ADGRB3: variants seen among roughly 807,000 people sequenced by gnomAD.
The protein encoded by ADGRB3 is brain-specific angiogenesis inhibitor 3.
Under a neutral mutation model 193.4 loss-of-function variants are expected in ADGRB3, and 37 were observed. The observed-to-expected ratio is 0.19, with a 90% CI of 0.15 to 0.25. ADGRB3 has a LOEUF of 0.25. Among genes scored for constraint, ADGRB3 ranks in the 10% least tolerant of loss-of-function variants. The probability of loss-of-function intolerance (pLI) is 1.00; values close to 1 mark genes in which losing one functional copy is unlikely to be tolerated. For missense variants in ADGRB3, 1,637 were observed against 1,852.9 expected, an observed-to-expected ratio of 0.88 and a Z score of 2.14; for synonymous variants, 690 against 644.2, an observed-to-expected ratio of 1.07 and a Z score of -1.08.
At chr6:69,284,560 T>C (rs1767508616) in intron 20 of ADGRB3, among the ~76,000 whole-genome samples, 1 of 152,136 alleles carries the variant, frequency 6.6e-6, no homozygotes, top group Admixed American at 6.5e-5. Context: ...GGAGCCCTGG[T>C]TACTACTTTT....
rs189654459 is a variant in ADGRB3 at position 69,036,096 on chromosome 6, G to T, written c.2108-12089G>T. Among the ~76,000 whole-genome samples the T allele has an allele frequency of 3.3e-5, 5 of 152,272 alleles. No homozygotes were observed. The East Asian group carries it at 7.7e-4, about 24-fold the overall frequency. On this transcript the variant is annotated intron_variant, in intron 13 of 31. Transcript: ENST00000370598. ...CTATTATGGCCATACTTAAGATACT[G>T]TGTGAAGTATGTCTTTCACTACATT...
intron 3 of ADGRB3, among the ~76,000 whole-genome samples, chr6:68,807,582 T>G (rs1767431727): frequency 1.3e-5 from 2 of 152,046 alleles, no homozygotes; most frequent in Non-Finnish European, 2.9e-5. Context: ...AGTGATATGT[T>G]TTCTGCTTGT....
chr6:68,974,635 TA>T (rs144666567), intron 8 of ADGRB3, 127 bp from the exon 9 acceptor site: 70 of 667,848 alleles, frequency 1.0e-4, no homozygotes, highest in Middle Eastern at 3.0e-4. Flanking sequence ...ACCCCATCTC[TA>T]AAAAAAAGAA....
At chr6:69,328,270 C>A (rs1440001964) in intron 22 of ADGRB3, among the ~76,000 whole-genome samples, 1 of 152,042 alleles carries the variant, frequency 6.6e-6, no homozygotes, top group African/African-American at 2.4e-5. Context: ...TTGTTATTAA[C>A]CAAGTTTTGT....
At chr6:69,080,868 T>G (rs1295617780) in intron 17 of ADGRB3, among the ~76,000 whole-genome samples, 1 of 152,018 alleles carries the variant, frequency 6.6e-6, no homozygotes, top group East Asian at 1.9e-4. Context: ...GTCGATACTT[T>G]AGTAAGAAAT....
chr6:68,754,726 G>T (rs1165678566), intron 3 of ADGRB3, among the ~76,000 whole-genome samples: 1 of 90,446 alleles, frequency 1.1e-5, no homozygotes, highest in Non-Finnish European at 2.2e-5. Context: ...CATGGGTGGA[G>T]AATAAGGAAA....
At chr6:68,845,230 A>G (rs1257790547) in intron 3 of ADGRB3, among the ~76,000 whole-genome samples, 1 of 152,170 alleles carries the variant, frequency 6.6e-6, no homozygotes, top group Non-Finnish European at 1.5e-5. Flanking sequence ...TCATAAATAT[A>G]TAGATCTATT....
At position 69,232,331 on chromosome 6, in the gene ADGRB3, C is replaced by T. The variant is rs936705866; in HGVS notation, c.2481-959C>T. The T allele has an allele frequency of 6.9e-6, 8 of 1,153,626 alleles. No individual in the cohort carries two copies. The African/African-American group carries it at 1.1e-4, about 16-fold the overall frequency. 71.5% of individuals were successfully genotyped at this position (1,153,626 alleles called of 1,614,324 possible). On this transcript the variant is annotated intron_variant, in intron 17 of 31. Coordinates refer to ENST00000370598, the MANE Select transcript of ADGRB3 (RefSeq NM_001704.3). ...GTTCTGCTGGGGGTGGAAGGGTTCT[C>T]CCCCATCCCCCCCACCACGAACAAG... is the stretch of plus-strand genomic sequence containing the variant.
chr6:68,722,906 CAA>C (rs1018507517), intron 3 of ADGRB3, among the ~76,000 whole-genome samples: 1 of 151,114 alleles, frequency 6.6e-6, no homozygotes, highest in African/African-American at 2.4e-5. Context: ...ACAAAAAAGG[CAA>C]AAAAATGAGA....
intron 3 of ADGRB3, among the ~76,000 whole-genome samples, chr6:68,813,678 G>A (rs893740145): frequency 4.0e-5 from 6 of 151,804 alleles, no homozygotes; most frequent in African/African-American, 1.5e-4. Context: ...TTAGCATTAG[G>A]TATATCTCCT....
intron 3 of ADGRB3, among the ~76,000 whole-genome samples, chr6:68,742,129 A>G (rs1455829944): frequency 6.6e-6 from 1 of 152,224 alleles, no homozygotes; most frequent in African/African-American, 2.4e-5. Context: ...TTGCTTTGCC[A>G]CTGACTTCTG....
chr6:69,009,771 G>T (rs1450220976), intron 11 of ADGRB3, among the ~76,000 whole-genome samples: 1 of 152,054 alleles, frequency 6.6e-6, no homozygotes, highest in East Asian at 1.9e-4. Flanking sequence ...CTTAGGGCTT[G>T]TCTTTGTCCC....
At chr6:69,002,662 CT>C (rs1562117549) in intron 11 of ADGRB3, among the ~76,000 whole-genome samples, 1 of 152,084 alleles carries the variant, frequency 6.6e-6, no homozygotes, top group Non-Finnish European at 1.5e-5. Flanking sequence ...ACACTATTGG[CT>C]TTTTTATATT....
chr6:68,840,369 C>CTTTTTTTTTTTTTTTTTTTTTTTT (rs752625602), intron 3 of ADGRB3, among the ~76,000 whole-genome samples: 2 of 69,430 alleles, frequency 2.9e-5, no homozygotes, highest in Non-Finnish European at 4.9e-5. Flanking sequence ...ACTGGGCAGT[C>CTTTTTTTTTTTTTTTTTTTTTTTT]TTTTTTTTTT....
intron 3 of ADGRB3, among the ~76,000 whole-genome samples, chr6:68,890,760 A>G (rs1310467895): frequency 6.6e-6 from 1 of 152,192 alleles, no homozygotes; most frequent in Non-Finnish European, 1.5e-5. Context: ...ATGAAAGAAA[A>G]TGCCTAGTAT....
chr6:69,213,414 C>G (rs1765708834), intron 17 of ADGRB3, among the ~76,000 whole-genome samples: 1 of 152,166 alleles, frequency 6.6e-6, no homozygotes, highest in African/African-American at 2.4e-5. Flanking sequence ...CATTAAATAA[C>G]TTTTGCATGA....
intron 17 of ADGRB3, among the ~76,000 whole-genome samples, chr6:69,198,993 C>T (rs1205293424): frequency 6.6e-6 from 1 of 152,050 alleles, no homozygotes; most frequent in Non-Finnish European, 1.5e-5. Context: ...AGCAACTGAG[C>T]GTGTGGCTAA....
chr6:68,902,632 A>T (rs970473126), intron 3 of ADGRB3, among the ~76,000 whole-genome samples: 5 of 152,018 alleles, frequency 3.3e-5, no homozygotes, highest in Non-Finnish European at 5.9e-5. Flanking sequence ...AAAAGGCCAT[A>T]AAAAAGCCAA....
intron 10 of ADGRB3, among the ~76,000 whole-genome samples, chr6:68,991,502 A>G (rs556884357): frequency 2.0e-5 from 3 of 152,080 alleles, no homozygotes; most frequent in Admixed American, 6.6e-5. Context: ...CTTTCTGAGA[A>G]GGCGACAAAA....
Sources: allele counts gnomAD v4.1 joint callset (sites outside exome capture counted in the v4.1 genomes callset), GRCh38; gene constraint gnomAD v4.1.1; transcripts MANE v1.5; gene names NCBI Gene and HGNC (gene_info 2026-07-23, HGNC 2026-07-21).